KIF3A: variants seen among roughly 807,000 people sequenced by gnomAD.
KIF3A encodes the protein kinesin family member 3A, also known as kinesin-like protein KIF3A.
A neutral mutation model predicts 92.6 loss-of-function variants in KIF3A; 27 were observed. That is an observed-to-expected ratio of 0.29 (90% CI 0.21 to 0.40). The LOEUF is 0.40. Among genes scored for constraint, KIF3A ranks in the 10% least tolerant of loss-of-function variants. The probability of loss-of-function intolerance (pLI) is 1.00; values close to 1 mark genes in which losing one functional copy is unlikely to be tolerated. For synonymous variants in KIF3A, 250 were observed against 275.4 expected (o/e 0.91, Z 0.92); for missense variants, 581 against 872.6 (o/e 0.67, Z 4.21).
intron 4 of KIF3A, chr5:132,721,279 G>A (rs1276609869): frequency 3.3e-5 from 5 of 152,164 alleles, no homozygotes; most frequent in African/African-American, 9.7e-5. Flanking sequence ...CAGATCTATA[G>A]TATCAATGTT....
At chr5:132,722,368 C>T (rs1753853488) in intron 4 of KIF3A, among the ~76,000 whole-genome samples, 1 of 152,114 alleles carries the variant, frequency 6.6e-6, no homozygotes, top group South Asian at 2.1e-4. Flanking sequence ...ATGACAAACA[C>T]AGTTTATAAC....
chr5:132,720,727 T>TA lies in KIF3A; in HGVS notation c.511-14dup. 7.0e-7 allele frequency: 1 copy of TA among 1,421,082 alleles called. No homozygotes were observed. Among genetic ancestry groups the TA allele is most frequent in the South Asian group, 1.2e-5 (1 of 84,154 alleles). The allele number at this position is 1,421,082 out of a possible 1,614,324, so 88.0% of individuals were successfully genotyped here. ...GTCTTTCTTTAACCTAAAAAAAAATTAAGACTTTATACTATATCAATAACT... is the reference window on the plus strand; with the variant it reads ...GTCTTTCTTTAACCTAAAAAAAAATTAAAGACTTTATACTATATCAATAACT... On this transcript the variant is annotated splice_polypyrimidine_tract_variant and intron_variant, in intron 4 of 18. Transcript: ENST00000403231.
At chr5:132,709,571 T>C (rs1753343195) in intron 9 of KIF3A, among the ~76,000 whole-genome samples, 1 of 152,244 alleles carries the variant, frequency 6.6e-6, no homozygotes, top group Non-Finnish European at 1.5e-5. Flanking sequence ...TTTTAACATA[T>C]TACTGGCATT....
intron 1 of KIF3A, 124 bp downstream of exon 1, chr5:132,737,290 G>T: frequency 5.4e-6 from 6 of 1,118,154 alleles, no homozygotes; most frequent in South Asian, 5.3e-5. Flanking sequence ...TCCACCGCAC[G>T]ACCGAGCCTG....
intron 8 of KIF3A, among the ~76,000 whole-genome samples, chr5:132,713,406 T>C (rs1019666419): frequency 1.2e-4 from 18 of 152,196 alleles, no homozygotes; most frequent in South Asian, 6.2e-4. Context: ...GAAGGGTAGA[T>C]AGGAACTCTC....
chr5:132,704,952 C>T (rs1173835825), intron 11 of KIF3A, among the ~76,000 whole-genome samples: 1 of 151,864 alleles, frequency 6.6e-6, no homozygotes, highest in Non-Finnish European at 1.5e-5. Flanking sequence ...GTTTAAAATA[C>T]ATTATTTGTA....
At chr5:132,714,221 G>A (rs1561700479) in intron 8 of KIF3A, among the ~76,000 whole-genome samples, 1 of 152,094 alleles carries the variant, frequency 6.6e-6, no homozygotes, top group Non-Finnish European at 1.5e-5. Flanking sequence ...AAGATACCCA[G>A]AGCAGTCAAA....
chr5:132,708,621 TA>T lies in KIF3A; in HGVS notation c.1300+285del, dbSNP rs527959578. On this transcript the variant is annotated intron_variant, in intron 10 of 18. Coordinates refer to ENST00000403231, the MANE Select transcript of KIF3A (RefSeq NM_001300791.2). ...AAACCTAAAAAATAAGCATAAGAAT[TA>T]TTCTTTTATACAGCTTACTAGCTCT... Among the ~76,000 whole-genome samples, 10 of 152,352 alleles carry T rather than the reference TA, an allele frequency of 6.6e-5. 1 individual carries two copies. Among genetic ancestry groups the T allele is most frequent in the African/African-American group, 2.4e-4 (10 of 41,594 alleles).
At chr5:132,735,025 A>G (rs1754344697) in intron 1 of KIF3A, among the ~76,000 whole-genome samples, 1 of 152,182 alleles carries the variant, frequency 6.6e-6, no homozygotes. Flanking sequence ...ATGCCTTAGT[A>G]TTACCTAACC....
downstream of KIF3A, among the ~76,000 whole-genome samples, chr5:132,690,384 CT>C (rs1347406234): frequency 6.6e-6 from 1 of 152,074 alleles, no homozygotes; most frequent in Non-Finnish European, 1.5e-5. Flanking sequence ...GAGCAAAACC[CT>C]GTCTTTAAAA....
rs1334197080 is a variant in KIF3A at position 132,693,400 on chromosome 5, T to A, written c.*3234A>T. 1 of 152,758 alleles carries A rather than the reference T, an allele frequency of 6.5e-6. No homozygotes were observed. Among genetic ancestry groups the A allele is most frequent in the Admixed American group, 6.5e-5 (1 of 15,282 alleles). 9.5% of individuals were successfully genotyped at this position (152,758 alleles called of 1,614,324 possible). A position where few individuals can be genotyped will look rare whatever the true frequency, so the allele number is the denominator to read the frequency against. ...TACTATAAACCAATAATTCTACCAA[T>A]GCTCCTTTTAATAAATAAATATCAC... On this transcript the variant is annotated 3_prime_UTR_variant, in exon 19 of 19. Coordinates refer to ENST00000403231, the MANE Select transcript of KIF3A (RefSeq NM_001300791.2).
In KIF3A at chr5:132,725,996, C is replaced by T. The variant is rs1440828704; in HGVS notation, c.510+132G>A. 2.3e-5 allele frequency: 13 copies of T among 559,826 alleles called. No individual in the cohort carries two copies. The East Asian group carries it at 2.4e-4, about 10-fold the overall frequency. 34.7% of individuals were successfully genotyped at this position (559,826 alleles called of 1,614,324 possible). A position where few individuals can be genotyped will look rare whatever the true frequency, so the allele number is the denominator to read the frequency against. ...ATCCCCAGATATGTCTGCAGATGTA[C>T]GACATTATATATGTACGAGATTATT... On this transcript the variant is annotated intron_variant, in intron 4 of 18. Transcript: ENST00000403231.
At chr5:132,707,758 G>A (rs929551913) in intron 10 of KIF3A, among the ~76,000 whole-genome samples, 1 of 152,136 alleles carries the variant, frequency 6.6e-6, no homozygotes, top group Non-Finnish European at 1.5e-5. Flanking sequence ...CATTAGTTTT[G>A]AAAGGGTAAG....
chr5:132,734,830 A>G (rs1754339245), intron 1 of KIF3A, among the ~76,000 whole-genome samples: 1 of 152,234 alleles, frequency 6.6e-6, no homozygotes, highest in African/African-American at 2.4e-5. Flanking sequence ...ACATGTGAAC[A>G]TGGTTAACAA....
chr5:132,726,347 C>T lies in KIF3A; in HGVS notation c.425+7G>A. The stretch of plus-strand genomic sequence containing the variant: ...CAATATCAGAAAATAAAAGAATTCC[C>T]TTTTACCTTGTATCACCCTCCGCTT... On this transcript the variant is annotated splice_region_variant and intron_variant, in intron 3 of 18. Transcript: ENST00000403231. The T allele has an allele frequency of 6.2e-7, 1 of 1,613,128 alleles. No individual in the cohort carries two copies. The highest frequency in any genetic ancestry group is 1.1e-5 in the South Asian group (1 of 90,986).
chr5:132,713,741 G>A (rs1753511873), intron 8 of KIF3A, among the ~76,000 whole-genome samples: 1 of 151,916 alleles, frequency 6.6e-6, no homozygotes, highest in African/African-American at 2.4e-5. Flanking sequence ...GTGGATGAAT[G>A]GATAACAAAA....
rs1752802421 is a variant in KIF3A at position 132,695,465 on chromosome 5, C to A, written c.*1169G>T. 1 of 152,204 alleles carries A rather than the reference C, an allele frequency of 6.6e-6. No individual in the cohort carries two copies. The highest frequency in any genetic ancestry group is 1.5e-5 in the Non-Finnish European group (1 of 68,036). 9.4% of individuals were successfully genotyped at this position (152,204 alleles called of 1,614,324 possible). On this transcript the variant is annotated 3_prime_UTR_variant, in exon 19 of 19. Transcript: ENST00000403231. ...GGGATTACAGGCGTGAGCCACCATG[C>A]CCGGCCAGGAGTAGCATAACTTTAA...
intron 9 of KIF3A, among the ~76,000 whole-genome samples, chr5:132,709,651 G>C (rs1753345573): frequency 6.6e-6 from 1 of 152,088 alleles, no homozygotes; most frequent in South Asian, 2.1e-4. Flanking sequence ...AATCTACTCT[G>C]TGAAAAACTA....
chr5:132,724,437 T>C (rs1024457196), intron 4 of KIF3A, among the ~76,000 whole-genome samples: 1 of 152,100 alleles, frequency 6.6e-6, no homozygotes, highest in African/African-American at 2.4e-5. Context: ...ATGTGGCACA[T>C]ATACACCATG....
Sources: gnomAD v4.1 joint callset for allele counts (sites outside exome capture counted in the v4.1 genomes callset) on GRCh38, gnomAD v4.1.1 for gene constraint, MANE v1.5 for transcripts, NCBI Gene and HGNC (gene_info 2026-07-23, HGNC 2026-07-21) for gene names.